Variants in PPARGC1A observed in about 807,000 individuals in gnomAD.
PPARGC1A encodes PPARG coactivator 1 alpha.
In PPARGC1A, 25 loss-of-function variants were observed where a neutral mutation model predicts 88.7. The observed-to-expected ratio is 0.28, with a 90% CI of 0.21 to 0.39. PPARGC1A has a LOEUF of 0.39. Ranked by LOEUF, PPARGC1A falls within the 10% of genes least tolerant of loss-of-function variation. The pLI, the probability that PPARGC1A is intolerant of heterozygous loss-of-function variation, is 1.00. For missense variants in PPARGC1A, 880 were observed against 968.7 expected, an observed-to-expected ratio of 0.91 and a Z score of 1.22; for synonymous variants, 363 against 355.6, an observed-to-expected ratio of 1.02 and a Z score of -0.24.
the PPARGC1A span, among the ~76,000 whole-genome samples, chr4:23,948,654 A>G: frequency 6.6e-6 from 1 of 152,134 alleles, no homozygotes; most frequent in South Asian, 2.1e-4. Context: ...GACACCACAC[A>G]TCCCAGTGTG....
At chr4:24,247,930 C>T in the PPARGC1A span, among the ~76,000 whole-genome samples, 4 of 152,162 alleles carry the variant, frequency 2.6e-5, no homozygotes, top group South Asian at 4.1e-4. Flanking sequence ...CTTTCCCCCA[C>T]CTAATATCGA....
chr4:23,888,132 C>T (rs147376970), intron 1 of PPARGC1A, among the ~76,000 whole-genome samples: 6 of 152,292 alleles, frequency 3.9e-5, no homozygotes, highest in Non-Finnish European at 8.8e-5. Context: ...TTTATACAGG[C>T]GGAGGTGATT....
chr4:23,906,392 C>T (rs1414797650), upstream of PPARGC1A, among the ~76,000 whole-genome samples: 2 of 151,610 alleles, frequency 1.3e-5, no homozygotes, highest in Non-Finnish European at 2.9e-5. Context: ...GTGGGAGGAT[C>T]ACTTGAGATC....
the PPARGC1A span, among the ~76,000 whole-genome samples, chr4:24,359,695 A>T: frequency 6.6e-6 from 1 of 152,202 alleles, no homozygotes; most frequent in African/African-American, 2.4e-5. Flanking sequence ...GGAAATTTGG[A>T]TACAGACACA....
At position 23,865,073 on chromosome 4, in the gene PPARGC1A, T is replaced by TACTC. The variant is rs1269444247; in HGVS notation, c.234+19675_234+19678dup. Among the ~76,000 whole-genome samples, 5 of 152,212 alleles carry TACTC rather than the reference T, an allele frequency of 3.3e-5. No homozygotes were observed. The South Asian group carries it at 1.0e-3, about 32-fold the overall frequency. On this transcript the variant is annotated intron_variant, in intron 2 of 12. Transcript: ENST00000264867. ...GGTAGTGCTCGCCTGTAATCCCAGCTACTCGGGAGGCTGAGGCAGGAGAAT... is the reference window on the plus strand; with the variant it reads ...GGTAGTGCTCGCCTGTAATCCCAGCTACTCACTCGGGAGGCTGAGGCAGGAGAAT...
the PPARGC1A span, among the ~76,000 whole-genome samples, chr4:24,273,113 T>G: frequency 2.0e-5 from 3 of 152,204 alleles, no homozygotes; most frequent in African/African-American, 7.2e-5. Flanking sequence ...CTTGCATCGT[T>G]TAAAGCAAAT....
the PPARGC1A span, among the ~76,000 whole-genome samples, chr4:23,997,741 C>T: frequency 6.6e-6 from 1 of 152,036 alleles, no homozygotes; most frequent in Admixed American, 6.6e-5. Flanking sequence ...ATCCACCTGC[C>T]TCAGCCTCCC....
chr4:24,368,804 G>A, the PPARGC1A span, among the ~76,000 whole-genome samples: 8 of 152,124 alleles, frequency 5.3e-5, no homozygotes, highest in Non-Finnish European at 7.4e-5. Context: ...GAACAAAAAC[G>A]AAGAGACACA....
the PPARGC1A span, among the ~76,000 whole-genome samples, chr4:24,445,879 C>A: frequency 1.3e-5 from 2 of 152,040 alleles, no homozygotes; most frequent in Non-Finnish European, 2.9e-5. Flanking sequence ...ACCAGCCTGA[C>A]CAACATGGTG....
the PPARGC1A span, among the ~76,000 whole-genome samples, chr4:24,092,513 A>C: frequency 6.6e-6 from 1 of 152,110 alleles, no homozygotes; most frequent in African/African-American, 2.4e-5. Context: ...TATCATTTCA[A>C]ATTTCTCTGA....
chr4:23,899,251 A>G (rs1213041210), intron 1 of PPARGC1A: 1 of 152,188 alleles, frequency 6.6e-6, no homozygotes, highest in African/African-American at 2.4e-5. Context: ...CAAAGCCACT[A>G]AGTGGGAACT....
intron 12 of PPARGC1A, among the ~76,000 whole-genome samples, chr4:23,798,916 C>T (rs1479105537): frequency 6.6e-6 from 1 of 152,102 alleles, no homozygotes; most frequent in Non-Finnish European, 1.5e-5. Context: ...TTATGTTTTG[C>T]TCTAACAATA....
At chr4:24,247,504 A>T in the PPARGC1A span, among the ~76,000 whole-genome samples, 1 of 152,160 alleles carries the variant, frequency 6.6e-6, no homozygotes, top group Non-Finnish European at 1.5e-5. Flanking sequence ...GAGTAAAGAG[A>T]ATTTTAATTC....
chr4:23,938,762 TAGG>T, the PPARGC1A span, among the ~76,000 whole-genome samples: 1 of 152,090 alleles, frequency 6.6e-6, no homozygotes, highest in Non-Finnish European at 1.5e-5. Context: ...ACAAGAAGGT[TAGG>T]AGGTCAGAGA....
chr4:24,387,745 A>AG, the PPARGC1A span, among the ~76,000 whole-genome samples: 422 of 64,288 alleles, frequency 6.6e-3, 3 homozygotes, highest in Non-Finnish European at 9.7e-3. Flanking sequence ...AGAAAGAAAG[A>AG]AAGAGAGAGA....
the PPARGC1A span, among the ~76,000 whole-genome samples, chr4:23,943,210 GTTC>G: frequency 6.6e-6 from 1 of 152,156 alleles, no homozygotes; most frequent in African/African-American, 2.4e-5. Context: ...TTGACTCTGT[GTTC>G]TTCTTTTAAG....
chr4:24,027,899 AG>A, the PPARGC1A span, among the ~76,000 whole-genome samples: 2 of 152,150 alleles, frequency 1.3e-5, no homozygotes, highest in Non-Finnish European at 2.9e-5. Context: ...ATAATCACTA[AG>A]GGTTTATTTA....
chr4:24,357,361 C>T, the PPARGC1A span, among the ~76,000 whole-genome samples: 14 of 152,212 alleles, frequency 9.2e-5, no homozygotes, highest in African/African-American at 3.4e-4. Flanking sequence ...TGCCAAAGTC[C>T]ATACTCTTAC....
At chr4:23,950,816 T>A in the PPARGC1A span, among the ~76,000 whole-genome samples, 13 of 152,254 alleles carry the variant, frequency 8.5e-5, no homozygotes, top group East Asian at 2.1e-3. Flanking sequence ...AACTTACACT[T>A]TCAGGTAGTT....
Sources: gnomAD v4.1 joint callset for allele counts (sites outside exome capture counted in the v4.1 genomes callset) on GRCh38, gnomAD v4.1.1 for gene constraint, MANE v1.5 for transcripts, NCBI Gene and HGNC (gene_info 2026-07-23, HGNC 2026-07-21) for gene names.